Variants in NCAM1 observed in about 807,000 individuals in gnomAD.
NCAM1 encodes antigen recognized by monoclonal antibody 5.1H11.
In NCAM1, 14 loss-of-function variants were observed where a neutral mutation model predicts 109.8. The observed-to-expected ratio is 0.13, with a 90% CI of 0.08 to 0.20. The LOEUF (loss-of-function observed/expected upper bound fraction) is 0.20. Among genes scored for constraint, NCAM1 ranks in the 10% least tolerant of loss-of-function variants. The probability of loss-of-function intolerance (pLI) is 1.00; values close to 1 mark genes in which losing one functional copy is unlikely to be tolerated. For synonymous variants in NCAM1, 418 were observed against 442.9 expected, an observed-to-expected ratio of 0.94 and a Z score of 0.70; for missense variants, 774 against 1,109.9, an observed-to-expected ratio of 0.70 and a Z score of 4.30.
At chr11:113,237,945 T>TAGATAGATAG (rs1397593284) in intron 14 of NCAM1, among the ~76,000 whole-genome samples, 1 of 56,744 alleles carries the variant, frequency 1.8e-5, no homozygotes, top group African/African-American at 6.1e-5. Context: ...TAGATATATA[T>TAGATAGATAG]ATAGATATAT....
chr11:113,248,984 A>T (rs962730040), intron 15 of NCAM1, among the ~76,000 whole-genome samples: 1 of 152,182 alleles, frequency 6.6e-6, no homozygotes, highest in Admixed American at 6.5e-5. Flanking sequence ...TCCACCAGCT[A>T]CTGAGGACTC....
rs781816999 is a variant in NCAM1, at chr11:113,204,258, A to AG, written c.128-27dup. 20 of 1,570,042 alleles carry AG rather than the reference A, an allele frequency of 1.3e-5. No individual in the cohort carries two copies. In the East Asian group the frequency reaches 4.4e-4, roughly 34 times the overall value. ...ACTTATTAGTCTTTTCGACTTCAGT[A>AG]GCTTAAAAATAATCTCTTCCTCTTT... is the stretch of plus-strand genomic sequence containing the variant. On this transcript the variant is annotated intron_variant, in intron 2 of 19. Transcript: ENST00000316851.
At chr11:112,985,801 G>C (rs1951285125) in intron 1 of NCAM1, among the ~76,000 whole-genome samples, 1 of 151,648 alleles carries the variant, frequency 6.6e-6, no homozygotes, top group African/African-American at 2.4e-5. Flanking sequence ...ACAGCCTTTT[G>C]GTGGAATCTT....
At chr11:113,262,742 G>T (rs994630977) in intron 17 of NCAM1, 1 of 1,270,390 alleles carries the variant, frequency 7.9e-7, no homozygotes, top group Non-Finnish European at 1.1e-6. Flanking sequence ...TCCTGTGTCT[G>T]TCGTCACACT....
intron 8 of NCAM1, among the ~76,000 whole-genome samples, chr11:113,215,339 C>T (rs1019769617): frequency 5.3e-5 from 8 of 152,272 alleles, no homozygotes; most frequent in Middle Eastern, 6.8e-3. Flanking sequence ...AATCTCATCT[C>T]GTATATCCTG....
Position 113,256,193 on chromosome 11 carries a change from A to C in NCAM1, c.1953+192A>C, listed in dbSNP as rs1357179248. Among the ~76,000 whole-genome samples the C allele has an allele frequency of 3.3e-5, 5 of 152,202 alleles. No individual in the cohort carries two copies. The East Asian group carries it at 9.6e-4, about 29-fold the overall frequency. On this transcript the variant is annotated intron_variant, in intron 16 of 19. Coordinates refer to ENST00000316851, the MANE Select transcript of NCAM1 (RefSeq NM_181351.5). ...CCTACAGCTATTAGGTCATGTTCAC[A>C]CTGGGTCCATTTGGAAACCTCATAG...
In NCAM1 at chr11:113,152,664, TAATC is replaced by T. The variant is rs1211806623; in HGVS notation, c.53-49712_53-49709del. On this transcript the variant is annotated intron_variant, in intron 1 of 19. Transcript: ENST00000316851. ...CATTTGTAACTGTTACTTATTCATT[TAATC>T]AACAAAACTATATTCAACATTCATT... is the stretch of plus-strand genomic sequence containing the variant. Among the ~76,000 whole-genome samples the T allele has an allele frequency of 2.0e-5, 3 of 152,356 alleles. No individual in the cohort carries two copies. The East Asian group carries it at 5.8e-4, about 29-fold the overall frequency.
chr11:113,116,855 T>G (rs782645079), intron 1 of NCAM1, among the ~76,000 whole-genome samples: 7 of 151,938 alleles, frequency 4.6e-5, no homozygotes, highest in East Asian at 1.9e-4. Context: ...TAAGATCTAG[T>G]ATTATGACTG....
At chr11:113,057,770 A>G (rs566665309) in intron 1 of NCAM1, among the ~76,000 whole-genome samples, 390 of 152,336 alleles carry the variant, frequency 2.6e-3, no homozygotes, top group Non-Finnish European at 3.3e-3. Flanking sequence ...TAACAGGTTT[A>G]CCATGGAGGA....
chr11:113,115,322 G>A (rs1016058988), intron 1 of NCAM1, among the ~76,000 whole-genome samples: 1 of 152,154 alleles, frequency 6.6e-6, no homozygotes, highest in Non-Finnish European at 1.5e-5. Flanking sequence ...GACAAAAGTT[G>A]AACCAAGATA....
At chr11:113,264,985 C>T in intron 17 of NCAM1, 1 of 985,494 alleles carries the variant, frequency 1.0e-6, no homozygotes, top group Non-Finnish European at 1.2e-6. Flanking sequence ...CCACCTTGCT[C>T]AGCCACACCC....
chr11:113,185,363 C>G (rs1408177687), intron 1 of NCAM1, among the ~76,000 whole-genome samples: 1 of 152,042 alleles, frequency 6.6e-6, no homozygotes, highest in Non-Finnish European at 1.5e-5. Context: ...TTATTGAGAC[C>G]TTCAACTGAC....
At chr11:113,171,148 G>C (rs78797595) in intron 1 of NCAM1, among the ~76,000 whole-genome samples, 526 of 152,242 alleles carry the variant, frequency 3.5e-3, no homozygotes, top group African/African-American at 0.012. Flanking sequence ...ACTCTCAGGT[G>C]GATGTTATTA....
Position 112,999,500 on chromosome 11 carries a change from T to C in NCAM1, c.52+37836T>C, listed in dbSNP as rs1416301594. On this transcript the variant is annotated intron_variant, in intron 1 of 19. Transcript: ENST00000316851. Reference sequence around the variant, plus strand: ...TATTTCTTTTTTTGTTTTTTAGCTCTCTGGGTCCTCATTTTCAAATTATGG... The same window carrying C: ...TATTTCTTTTTTTGTTTTTTAGCTCCCTGGGTCCTCATTTTCAAATTATGG... Among the ~76,000 whole-genome samples, 4 of 152,146 alleles carry C rather than the reference T, an allele frequency of 2.6e-5. No homozygotes were observed. In the East Asian group the frequency reaches 7.7e-4, roughly 29 times the overall value.
intron 1 of NCAM1, chr11:113,197,179 TG>T: frequency 3.8e-6 from 1 of 260,916 alleles, no homozygotes. Context: ...GCTTGACATG[TG>T]GGGATTATGG....
At chr11:112,972,367 A>T (rs1377753929) in intron 1 of NCAM1, among the ~76,000 whole-genome samples, 2 of 152,164 alleles carry the variant, frequency 1.3e-5, no homozygotes, top group African/African-American at 4.8e-5. Flanking sequence ...ACAAGTATTT[A>T]TGTGGCAGTG....
chr11:113,123,839 C>T (rs2136060616), intron 1 of NCAM1, among the ~76,000 whole-genome samples: 1 of 152,300 alleles, frequency 6.6e-6, no homozygotes, highest in East Asian at 1.9e-4. Flanking sequence ...TTGAGTAGGA[C>T]CCTGGCAAAG....
chr11:113,095,029 A>C (rs1320338521), intron 1 of NCAM1, among the ~76,000 whole-genome samples: 1 of 152,208 alleles, frequency 6.6e-6, no homozygotes, highest in Non-Finnish European at 1.5e-5. Context: ...TAGACCGCTT[A>C]CAGAAAATGA....
chr11:113,243,482 T>TG (rs1565525102), intron 14 of NCAM1: 1 of 485,522 alleles, frequency 2.1e-6, no homozygotes, highest in Non-Finnish European at 4.2e-6. Context: ...AGAGTCCAGA[T>TG]GAAAGTGCTG....
Sources: gnomAD v4.1 joint callset for allele counts (sites outside exome capture counted in the v4.1 genomes callset) on GRCh38, gnomAD v4.1.1 for gene constraint, MANE v1.5 for transcripts, NCBI Gene and HGNC (gene_info 2026-07-23, HGNC 2026-07-21) for gene names.